Variants in PAPLN observed in about 807,000 individuals in gnomAD.
The protein encoded by PAPLN is papilin, proteoglycan like sulfated glycoprotein.
In PAPLN, 146 loss-of-function variants were observed where a neutral mutation model predicts 159.0. The ratio of observed to expected loss-of-function variants is 0.92; its 90% confidence interval spans 0.80 to 1.05. The LOEUF is 1.05. Ranked by LOEUF, PAPLN falls within the 50% of genes least tolerant of loss-of-function variation. The pLI is 0.00. For missense variants in PAPLN, 1,720 were observed against 1,743.9 expected, an observed-to-expected ratio of 0.99 and a Z score of 0.24; for synonymous variants, 734 against 702.9, an observed-to-expected ratio of 1.04 and a Z score of -0.70.
intron 5 of PAPLN, among the ~76,000 whole-genome samples, chr14:73,247,777 C>G (rs1381799056): frequency 9.9e-6 from 1 of 101,058 alleles, no homozygotes; most frequent in Non-Finnish European, 1.8e-5. Context: ...TGGGCGTGGC[C>G]CAGTGGGAGT....
Position 73,245,948 on chromosome 14 carries a change from A to T in PAPLN, c.232-125A>T. ...TTCGGGGGTCCGGGGGGCGGACTCC[A>T]CCTCCGGCGGCTCCGATGGGGCAGG... is the stretch of plus-strand genomic sequence containing the variant. On this transcript the variant is annotated intron_variant, in intron 4 of 26. Coordinates refer to ENST00000644200, the MANE Select transcript of PAPLN (RefSeq NM_001365906.3). The surrounding 1 kb of genome is among the most constrained non-coding windows in gnomAD (Gnocchi z 4.2). The T allele has an allele frequency of 9.7e-7, 1 of 1,035,554 alleles. No homozygotes were observed. Among genetic ancestry groups the T allele is most frequent in the Non-Finnish European group, 1.4e-6 (1 of 740,246 alleles). The allele number at this position is 1,035,554 out of a possible 1,614,324, so 64.1% of individuals were successfully genotyped here. A position where few individuals can be genotyped will look rare whatever the true frequency, so the allele number is the denominator to read the frequency against.
At chr14:73,243,027 C>G (rs952893770) in intron 2 of PAPLN, 6 of 152,266 alleles carry the variant, frequency 3.9e-5, no homozygotes, top group Admixed American at 3.3e-4. Flanking sequence ...GAGTCTCACT[C>G]TGTCGCCCAG....
chr14:73,253,608 C>T lies in PAPLN; in HGVS notation c.1095-146C>T, dbSNP rs74426878. The T allele has an allele frequency of 4.7e-3, 3,610 of 763,060 alleles. 92 individuals are homozygous for T. The African/African-American group carries it at 0.056, about 12-fold the overall frequency. 47.3% of individuals were successfully genotyped at this position (763,060 alleles called of 1,614,324 possible). A position where few individuals can be genotyped will look rare whatever the true frequency, so the allele number is the denominator to read the frequency against. On this transcript the variant is annotated intron_variant, in intron 11 of 26. Coordinates refer to ENST00000644200, the MANE Select transcript of PAPLN (RefSeq NM_001365906.3). The stretch of plus-strand genomic sequence containing the variant: ...TGGGGATGCTAAGGAGCGCCTGGGT[C>T]GTAGCCTTTGTTCAGGCTGGAGGCT...
In PAPLN at chr14:73,273,045, G is replaced by C. The variant is rs931515062; in HGVS notation, c.*381G>C. 5.1e-5 allele frequency: 8 copies of C among 157,524 alleles called. No homozygotes were observed. Among genetic ancestry groups the C allele is most frequent in the South Asian group, 2.0e-4 (1 of 5,006 alleles). The allele number at this position is 157,524 out of a possible 1,614,324, so 9.8% of individuals were successfully genotyped here. A position where few individuals can be genotyped will look rare whatever the true frequency, so the allele number is the denominator to read the frequency against. ...TGCCCAGGCTGGAGGGCAATGGCGC[G>C]ATCTCAGCTCACTGCAACCTCCGTC... On this transcript the variant is annotated 3_prime_UTR_variant, in exon 27 of 27. Coordinates refer to ENST00000644200, the MANE Select transcript of PAPLN (RefSeq NM_001365906.3).
Position 73,245,604 on chromosome 14 carries a change from G to A in PAPLN, c.171-32G>A, listed in dbSNP as rs1444135916. On this transcript the variant is annotated intron_variant, in intron 3 of 26. Coordinates refer to ENST00000644200, the MANE Select transcript of PAPLN (RefSeq NM_001365906.3). This position sits in a 1 kb window ranked among gnomAD's most constrained non-coding sequence, Gnocchi z 4.2. Reference sequence around the variant, plus strand: ...AACGGGGGCAGGGACGTTGGGTCTCGGTCAGGTCTTCCCGGTGCTCTGGTC... The same window carrying A: ...AACGGGGGCAGGGACGTTGGGTCTCAGTCAGGTCTTCCCGGTGCTCTGGTC... The A allele has an allele frequency of 8.4e-6, 13 of 1,549,674 alleles. No homozygotes were observed. The East Asian group carries it at 2.4e-4, about 29-fold the overall frequency.
chr14:73,252,263 C>A, intron 10 of PAPLN, 122 bp downstream of exon 10: 1 of 1,373,476 alleles, frequency 7.3e-7, no homozygotes, highest in Non-Finnish European at 9.6e-7. Flanking sequence ...GACAAGTAGG[C>A]GAGAAATCTC....
At chr14:73,236,255 C>T (rs1180538256), upstream of PAPLN, among the ~76,000 whole-genome samples, 1 of 152,240 alleles carries the variant, frequency 6.6e-6, no homozygotes, top group Non-Finnish European at 1.5e-5. Context: ...TGAGCCCCTG[C>T]CTTGATGCTA....
At chr14:73,257,818 C>T (rs949619972) in intron 14 of PAPLN, among the ~76,000 whole-genome samples, 1 of 133,026 alleles carries the variant, frequency 7.5e-6, no homozygotes, top group Non-Finnish European at 1.5e-5. Context: ...GTTTGGAGTG[C>T]AGTGGCGCGA....
In PAPLN at chr14:73,272,512, A is replaced by G; in HGVS notation, c.3685A>G (p.Arg1229Gly). The G allele has an allele frequency of 6.4e-7, 1 of 1,562,704 alleles. No individual in the cohort carries two copies. Among genetic ancestry groups the G allele is most frequent in the Non-Finnish European group, 8.8e-7 (1 of 1,142,626 alleles). The part of the protein sequence containing the change: ...VVSPAPTAQP[R>G]DPGRDCVDQP... ...TTCTGCAGCACCCACCGCCCAGCCC[A>G]GGGACCCTGGCAGGGACTGCGTCGA... The change falls in exon 27 of 27, where the codon AGG (arginine) becomes GGG (glycine). Residue 1229 changes from arginine to glycine, a missense_variant. By Grantham distance (125) the Arg-to-Gly change is moderately radical. Transcript: ENST00000644200.
rs529236150 is a variant in PAPLN, at chr14:73,258,979, A to C, written c.1628A>C (p.Glu543Ala). The C allele has an allele frequency of 6.2e-7, 1 of 1,609,118 alleles. No individual in the cohort carries two copies. The highest frequency in any genetic ancestry group is 1.1e-5 in the South Asian group (1 of 90,342). The change falls in exon 15 of 27, where the codon GAG becomes GCG. Residue 543 changes from glutamate (E) to alanine (A), a missense_variant and splice_region_variant. By Grantham distance (107) the Glu-to-Ala change is moderately radical. Transcript: ENST00000644200. ...ACATGGACCTCCCGGCTCCCTGCAG[A>C]GGTCCCCAGCATGCAGGATGTGCAC... ...CNTQPCHLPQ[E>A]VPSMQDVHTP...
intron 11 of PAPLN, 45 bp from the exon 12 acceptor site, chr14:73,253,709 G>C (rs1398474664): frequency 1.3e-6 from 2 of 1,527,894 alleles, no homozygotes; most frequent in Non-Finnish European, 1.8e-6. Context: ...CTGGGTTTCT[G>C]CCCATGCTCC....
chr14:73,269,036 T>C (rs1887471743), intron 26 of PAPLN, among the ~76,000 whole-genome samples: 3 of 152,174 alleles, frequency 2.0e-5, no homozygotes, highest in Admixed American at 1.3e-4. Flanking sequence ...TTGAGACATA[T>C]GACTGACTGG....
intron 3 of PAPLN, 196 bp downstream of exon 3, chr14:73,244,955 G>A (rs536311199): frequency 6.0e-6 from 3 of 498,314 alleles, no homozygotes; most frequent in South Asian, 5.1e-5. Context: ...TCCACTCTGA[G>A]CTGGAGCACG....
chr14:73,264,723 A>G lies in PAPLN; in HGVS notation c.3122A>G (p.Asn1041Ser). Residue 1041 changes from asparagine to serine, a missense_variant, in exon 22 of 27, where the codon AAC (asparagine) becomes AGC (serine). Coordinates refer to ENST00000644200, the MANE Select transcript of PAPLN (RefSeq NM_001365906.3). ...AIPSSHPQPA[N>S]RLRLDQNQPR... Reference sequence around the variant, plus strand: ...CCCTCTTCACACCCACAGCCTGCAAACAGGTAAGAACTCAGCAATGCCATC... The same window carrying G: ...CCCTCTTCACACCCACAGCCTGCAAGCAGGTAAGAACTCAGCAATGCCATC... The G allele has an allele frequency of 6.2e-7, 1 of 1,612,720 alleles. No homozygotes were observed. Among genetic ancestry groups the G allele is most frequent in the South Asian group, 1.1e-5 (1 of 90,958 alleles).
At position 73,268,686 on chromosome 14, in the gene PAPLN, A is replaced by C; in HGVS notation, c.3630A>C (p.Ala1210=). The part of the protein sequence containing the change: ...YTCSAYQGSQ[A]VSRSTEVKVV... ...GCAGTGCCTACCAGGGGAGCCAGGC[A>C]GTCAGCCGCAGCACCGAGGTGAAGG... is the stretch of plus-strand genomic sequence containing the variant. Residue 1210 remains alanine (A), a synonymous_variant, in exon 26 of 27, where the codon GCA becomes GCC. Coordinates refer to ENST00000644200, the MANE Select transcript of PAPLN (RefSeq NM_001365906.3). 1 of 1,613,502 alleles carries C rather than the reference A, an allele frequency of 6.2e-7. No individual in the cohort carries two copies. Among genetic ancestry groups the C allele is most frequent in the African/African-American group, 1.3e-5 (1 of 75,048 alleles).
intron 14 of PAPLN, among the ~76,000 whole-genome samples, chr14:73,257,753 C>CTTTTTTTTTTTTTTTTTTTTTT (rs562890068): frequency 7.7e-5 from 7 of 91,240 alleles, no homozygotes; most frequent in East Asian, 9.7e-4. Context: ...TCTCTTTCTT[C>CTTTTTTTTTTTTTTTTTTTTTT]TTTTTTTTTT....
chr14:73,258,618 T>A (rs1278130166), intron 14 of PAPLN, among the ~76,000 whole-genome samples: 24 of 75,746 alleles, frequency 3.2e-4, no homozygotes, highest in Middle Eastern at 6.3e-3. Flanking sequence ...ACCCTATCTC[T>A]AAAAAAAAAA....
Position 73,251,784 on chromosome 14 carries a change from C to T in PAPLN, c.791C>T (p.Ala264Val). 1 of 1,608,242 alleles carries T rather than the reference C, an allele frequency of 6.2e-7. No homozygotes were observed. The highest frequency in any genetic ancestry group is 8.5e-7 in the Non-Finnish European group (1 of 1,178,332). ...GAGCGGGGTGCTGAGGGGGACCTGGCCCCTGAGCGACTCCATGCCCGGGGC... is the reference window on the plus strand; with the variant it reads ...GAGCGGGGTGCTGAGGGGGACCTGGTCCCTGAGCGACTCCATGCCCGGGGC... ...HYERGAEGDLAPERLHARGPT... is the reference protein window; with the variant it reads ...HYERGAEGDLVPERLHARGPT... The change falls in exon 9 of 27, where the codon GCC becomes GTC. Residue 264 changes from alanine (A) to valine (V), a missense_variant. Physicochemically the swap from Ala to Val is moderately conservative, Grantham distance 64 (BLOSUM62 0). Coordinates refer to ENST00000644200, the MANE Select transcript of PAPLN (RefSeq NM_001365906.3).
At chr14:73,254,478 A>G in intron 12 of PAPLN, 35 bp from the exon 13 acceptor site, 1 of 1,607,686 alleles carries the variant, frequency 6.2e-7, no homozygotes, top group South Asian at 1.1e-5. Context: ...CCTGGGGGCA[A>G]GGCCGAGCTT....
Sources: allele counts gnomAD v4.1 joint callset (sites outside exome capture counted in the v4.1 genomes callset), GRCh38; gene constraint gnomAD v4.1.1; non-coding constraint Gnocchi (gnomAD v3.1); transcripts MANE v1.5; gene names NCBI Gene and HGNC (gene_info 2026-07-23, HGNC 2026-07-21).